Variants in SLC6A15 observed in about 807,000 individuals in gnomAD.
SLC6A15 encodes sodium-dependent neutral amino acid transporter B(0)AT2.
SLC6A15 carries 33 observed loss-of-function variants against 68.5 expected under a neutral mutation model. The observed-to-expected ratio is 0.48, with a 90% CI of 0.37 to 0.64. The LOEUF (loss-of-function observed/expected upper bound fraction) is 0.64, where lower values mean the gene tolerates loss of function less well. Ranked by LOEUF, SLC6A15 falls within the 30% of genes least tolerant of loss-of-function variation. The pLI, the probability that SLC6A15 is intolerant of heterozygous loss-of-function variation, is 0.00. For missense variants in SLC6A15, 747 were observed against 874.3 expected (o/e 0.85, Z 1.84); for synonymous variants, 347 against 301.0 (o/e 1.15, Z -1.58).
At position 84,881,337 on chromosome 12, in the gene SLC6A15, A is replaced by G. The variant is rs534695155; in HGVS notation, c.756+2522T>C. The G allele has an allele frequency of 1.8e-5, 9 of 500,912 alleles. No homozygotes were observed. In the African/African-American group the frequency reaches 1.9e-4, roughly 10 times the overall value. 31.0% of individuals were successfully genotyped at this position (500,912 alleles called of 1,614,324 possible). A position where few individuals can be genotyped will look rare whatever the true frequency, so the allele number is the denominator to read the frequency against. ...TTCTTTGAAGGCTTACCACCATCACAACCTCCTCCATAATACCCACTATTT... is the reference window on the plus strand; with the variant it reads ...TTCTTTGAAGGCTTACCACCATCACGACCTCCTCCATAATACCCACTATTT... On this transcript the variant is annotated intron_variant, in intron 5 of 11. Transcript: ENST00000266682.
At chr12:84,887,247 T>C (rs1375506480) in intron 2 of SLC6A15, among the ~76,000 whole-genome samples, 1 of 152,236 alleles carries the variant, frequency 6.6e-6, no homozygotes, top group African/African-American at 2.4e-5. Context: ...TATTATACAT[T>C]TCCTACATAT....
At position 84,862,924 on chromosome 12, in the gene SLC6A15, G is replaced by A. The variant is rs191232096; in HGVS notation, c.1818+515C>T. On this transcript the variant is annotated intron_variant, in intron 11 of 11. Transcript: ENST00000266682. Reference sequence around the variant, plus strand: ...TCAGCCTCAGCCTGACGAGTAGCTAGGACTATAGCCGTGTGCTACCATGCC... The same window carrying A: ...TCAGCCTCAGCCTGACGAGTAGCTAAGACTATAGCCGTGTGCTACCATGCC... Among the ~76,000 whole-genome samples the A allele has an allele frequency of 2.0e-5, 3 of 152,194 alleles. No individual in the cohort carries two copies. The East Asian group carries it at 5.8e-4, about 29-fold the overall frequency.
Position 84,876,544 on chromosome 12 carries a change from G to T in SLC6A15, c.820C>A (p.Leu274Ile). The T allele has an allele frequency of 6.2e-7, 1 of 1,600,004 alleles. No homozygotes were observed. Among genetic ancestry groups the T allele is most frequent in the Non-Finnish European group, 8.5e-7 (1 of 1,173,670 alleles). ...ATGCCATCAATTGAACCATTTAAAA[G>T]GAATGCTCTGATGAGGAAGCAAATA... ...VLICFLIRAF[L>I]LNGSIDGIRH... The change falls in exon 6 of 12, where the codon CTT (leucine) becomes ATT (isoleucine). Residue 274 changes from leucine to isoleucine, a missense_variant. Physicochemically the swap from Leu to Ile is conservative, Grantham distance 5. Coordinates refer to ENST00000266682, the MANE Select transcript of SLC6A15 (RefSeq NM_182767.6).
chr12:84,903,773 A>G (rs961455227), intron 1 of SLC6A15, among the ~76,000 whole-genome samples: 2 of 152,154 alleles, frequency 1.3e-5, no homozygotes, highest in Non-Finnish European at 2.9e-5. Context: ...TTCCGAAATC[A>G]TATCTTCATC....
At chr12:84,878,687 T>C (rs776591804) in intron 5 of SLC6A15, among the ~76,000 whole-genome samples, 2 of 152,172 alleles carry the variant, frequency 1.3e-5, no homozygotes, top group Non-Finnish European at 2.9e-5. Context: ...ATATAATTTC[T>C]AATTAGGTAC....
In SLC6A15 at chr12:84,912,737, G is replaced by C. The variant is rs1368012241; in HGVS notation, c.-403C>G. ...AGGAGAGACTCGTGAGCGCCTGTGT[G>C]TCTGCCAGGGAAACAGCACGGGATA... is the stretch of plus-strand genomic sequence containing the variant. On this transcript the variant is annotated 5_prime_UTR_variant, in exon 1 of 12. Transcript: ENST00000266682. 6.5e-6 allele frequency: 1 copy of C among 153,130 alleles called. No homozygotes were observed. The highest frequency in any genetic ancestry group is 2.4e-5 in the African/African-American group (1 of 41,482). The allele number at this position is 153,130 out of a possible 1,614,324, so 9.5% of individuals were successfully genotyped here. A position where few individuals can be genotyped will look rare whatever the true frequency, so the allele number is the denominator to read the frequency against.
chr12:84,875,695 TATATGAG>T (rs1253326045), intron 6 of SLC6A15, among the ~76,000 whole-genome samples: 123 of 6,794 alleles, frequency 0.018, 16 homozygotes, highest in Non-Finnish European at 0.029. Flanking sequence ...TATATATATA[TATATGAG>T]AATCAAAAAC....
At chr12:84,910,971 C>G (rs918785650) in intron 1 of SLC6A15, among the ~76,000 whole-genome samples, 2 of 149,140 alleles carry the variant, frequency 1.3e-5, no homozygotes, top group Non-Finnish European at 2.9e-5. Context: ...CCCTCGCCTT[C>G]CCTTCAAAAC....
intron 11 of SLC6A15, among the ~76,000 whole-genome samples, chr12:84,863,150 T>C (rs189419003): frequency 2.6e-4 from 39 of 152,258 alleles, no homozygotes; most frequent in African/African-American, 8.9e-4. Flanking sequence ...ATTAATATGT[T>C]TTCTAGAGTC....
chr12:84,893,408 T>C (rs1872510002), intron 1 of SLC6A15, among the ~76,000 whole-genome samples: 1 of 152,238 alleles, frequency 6.6e-6, no homozygotes, highest in South Asian at 2.1e-4. Context: ...TGTAATCCCT[T>C]TGGGATTTTT....
chr12:84,875,450 A>G (rs942580440), intron 6 of SLC6A15, among the ~76,000 whole-genome samples: 17 of 151,844 alleles, frequency 1.1e-4, no homozygotes, highest in Admixed American at 3.9e-4. Flanking sequence ...TTTACGCAGT[A>G]TCAAGGCAGC....
intron 2 of SLC6A15, among the ~76,000 whole-genome samples, chr12:84,889,201 A>G (rs1043619340): frequency 6.6e-6 from 1 of 152,140 alleles, no homozygotes; most frequent in Non-Finnish European, 1.5e-5. Flanking sequence ...CTAAGCATAA[A>G]AACAGTTGCC....
intron 6 of SLC6A15, among the ~76,000 whole-genome samples, chr12:84,875,560 T>C (rs539395971): frequency 6.7e-6 from 1 of 150,166 alleles, no homozygotes; most frequent in South Asian, 2.1e-4. Flanking sequence ...AACTTTTAAT[T>C]TCTAAACTAA....
chr12:84,868,864 T>C (rs1390192271), intron 9 of SLC6A15, among the ~76,000 whole-genome samples: 2 of 152,170 alleles, frequency 1.3e-5, no homozygotes, highest in Non-Finnish European at 2.9e-5. Context: ...GGGGACGGTT[T>C]GGATATGGCG....
chr12:84,890,047 G>T (rs972581608), intron 2 of SLC6A15, among the ~76,000 whole-genome samples: 40 of 152,042 alleles, frequency 2.6e-4, no homozygotes, highest in African/African-American at 9.4e-4. Flanking sequence ...TTAGTCAGAA[G>T]ATATTCCTCC....
At chr12:84,877,880 T>A (rs752742530) in intron 5 of SLC6A15, among the ~76,000 whole-genome samples, 7 of 152,072 alleles carry the variant, frequency 4.6e-5, no homozygotes, top group Non-Finnish European at 1.0e-4. Flanking sequence ...CTAGTAAGGG[T>A]AAAGATATTT....
rs768244491 is a variant in SLC6A15, at chr12:84,861,803, T to C, written c.2022A>G (p.Thr674=). 4.3e-6 allele frequency: 7 copies of C among 1,614,002 alleles called. No homozygotes were observed. The highest frequency in any genetic ancestry group is 5.9e-6 in the Non-Finnish European group (7 of 1,179,942). The change falls in exon 12 of 12, where the codon ACA becomes ACG. Residue 674 remains threonine (T), a synonymous_variant. Coordinates refer to ENST00000266682, the MANE Select transcript of SLC6A15 (RefSeq NM_182767.6). The stretch of plus-strand genomic sequence containing the variant: ...TCGGTATTTTTCCGTGAATGAGGCT[T>C]GTATCATCGCCCTCTAAGTTCACAG... ...KEPVNLEGDD[T]SLIHGKIPSE... is the part of the protein sequence containing the mutation.
intron 1 of SLC6A15, among the ~76,000 whole-genome samples, chr12:84,906,189 C>G (rs890122299): frequency 2.3e-4 from 35 of 152,214 alleles, no homozygotes; most frequent in African/African-American, 8.4e-4. Flanking sequence ...AATGCAATAG[C>G]ATTTACAATC....
intron 1 of SLC6A15, among the ~76,000 whole-genome samples, chr12:84,905,105 T>C (rs12298143): frequency 0.016 from 2,460 of 152,158 alleles, 76 homozygotes; most frequent in African/African-American, 0.055. Flanking sequence ...GCAAAGATCA[T>C]AGTAAAAAAT....
Sources: gnomAD v4.1 joint callset for allele counts (sites outside exome capture counted in the v4.1 genomes callset) on GRCh38, gnomAD v4.1.1 for gene constraint, MANE v1.5 for transcripts, NCBI Gene and HGNC (gene_info 2026-07-23, HGNC 2026-07-21) for gene names.